The following LRRC74B variants were observed in gnomAD, a reference collection of about 807,000 sequenced individuals.
LRRC74B encodes leucine rich repeat containing 74B, also known as leucine-rich repeat-containing protein 74B.
A neutral mutation model predicts 16.6 loss-of-function variants in LRRC74B; 30 were observed. The ratio of observed to expected loss-of-function variants is 1.80; its 90% CI spans 1.35 to 2.45. LRRC74B has a LOEUF of 2.45. Among genes scored for constraint, LRRC74B ranks in the 30% most tolerant of loss-of-function variants. The pLI, the probability that LRRC74B is intolerant of heterozygous loss-of-function variation, is 0.00. For synonymous variants in LRRC74B, 134 were observed against 86.0 expected (o/e 1.56, Z -3.09); for missense variants, 326 against 202.4 (o/e 1.61, Z -3.71).
chr22:21,059,089 TA>T (rs1228161697), intron 8 of LRRC74B, among the ~76,000 whole-genome samples: 3 of 152,074 alleles, frequency 2.0e-5, no homozygotes, highest in Non-Finnish European at 4.4e-5. Flanking sequence ...CTGTCTTTAC[TA>T]ATAATACAAA....
chr22:21,061,811 A>T (rs533501101), downstream of LRRC74B: 2 of 152,120 alleles, frequency 1.3e-5, no homozygotes, highest in Non-Finnish European at 2.9e-5. Context: ...ATATTCTAAG[A>T]GTGAAAATGC....
At chr22:21,057,020 G>A (rs1930572938) in intron 7 of LRRC74B, 85 bp from the exon 8 acceptor site, 1 of 685,246 alleles carries the variant, frequency 1.5e-6, no homozygotes, top group African/African-American at 1.8e-5. Context: ...TGTCCTCAGA[G>A]ATGAGGAGCC....
chr22:21,060,671 A>G, downstream of LRRC74B: 1 of 587,170 alleles, frequency 1.7e-6, no homozygotes. Flanking sequence ...CGGTGCTCAC[A>G]CACCTGTACC....
At chr22:21,048,447 A>C (rs986893180) in intron 3 of LRRC74B, 1 of 271,518 alleles carries the variant, frequency 3.7e-6, no homozygotes, top group African/African-American at 2.2e-5. Flanking sequence ...CAAGCAGCTT[A>C]ACCTCTCTGA....
intron 3 of LRRC74B, 82 bp downstream of exon 3, chr22:21,048,098 G>A (rs774939863): frequency 3.3e-5 from 23 of 703,936 alleles, no homozygotes; most frequent in Middle Eastern, 2.3e-4. Context: ...AAGCTGGGCC[G>A]TGTCACCTGG....
At chr22:21,051,736 T>C (rs1217372561) in intron 4 of LRRC74B, among the ~76,000 whole-genome samples, 1 of 152,208 alleles carries the variant, frequency 6.6e-6, no homozygotes, top group African/African-American at 2.4e-5. Context: ...TCAGCATCTC[T>C]CAAGTGCCCA....
downstream of LRRC74B, among the ~76,000 whole-genome samples, chr22:21,061,308 A>G (rs189258975): frequency 2.6e-4 from 40 of 151,802 alleles, no homozygotes; most frequent in African/African-American, 8.2e-4. Flanking sequence ...ACAAGAGCAA[A>G]ACTCTGTCTC....
At position 21,060,344 on chromosome 22, in the gene LRRC74B, G is replaced by T; in HGVS notation, c.1024-29G>T. On this transcript the variant is annotated intron_variant, in intron 8 of 8. Transcript: ENST00000442047. The stretch of plus-strand genomic sequence containing the variant: ...GGTGAAGTTCTCAGATAGTAACAAA[G>T]TTCATCCTTGTAATGGGTGTCTCCT... 3 of 649,898 alleles carry T rather than the reference G, an allele frequency of 4.6e-6. No individual in the cohort carries two copies. In the South Asian group the frequency reaches 5.4e-5, roughly 12 times the overall value. The allele number at this position is 649,898 out of a possible 1,614,324, so 40.3% of individuals were successfully genotyped here.
chr22:21,062,122 A>G (rs1190108604), downstream of LRRC74B: 1 of 152,234 alleles, frequency 6.6e-6, no homozygotes, highest in Admixed American at 6.5e-5. Flanking sequence ...CACGTGTCGC[A>G]TGACCGCATT....
chr22:21,047,563 G>A (rs1929569500), intron 2 of LRRC74B, 65 bp downstream of exon 2: 1 of 697,314 alleles, frequency 1.4e-6, no homozygotes, highest in Admixed American at 2.0e-5. Context: ...GCAGCCATGG[G>A]AGTGCCCCTG....
chr22:21,058,680 CT>C lies in LRRC74B; in HGVS notation c.1023+1482del, dbSNP rs200704793. 6.7e-4 allele frequency among the ~76,000 whole-genome samples: 102 copies of C among 152,206 alleles called. 3 individuals are homozygous for C. In the East Asian group the frequency reaches 0.014, roughly 22 times the overall value. On this transcript the variant is annotated intron_variant, in intron 8 of 8. Transcript: ENST00000442047. ...CGATGTCAAACGTCCTTACCATTTC[CT>C]TCTAATGGCCTGTTCTTGCCTTAAC...
chr22:21,056,569 G>A (rs1930532799), intron 7 of LRRC74B: 1 of 147,066 alleles, frequency 6.8e-6, no homozygotes, highest in Non-Finnish European at 1.5e-5. Context: ...TCTCTTCCAA[G>A]TTCAGTGCTC....
exon 5 of LRRC74B, chr22:21,052,253 G>A (rs1601814372): frequency 1.4e-6 from 1 of 717,552 alleles, no homozygotes; most frequent in South Asian, 1.5e-5. Context: ...CTGAAGGGGA[G>A]ACACTTGGAC....
chr22:21,059,605 G>A (rs1385295904), intron 8 of LRRC74B, among the ~76,000 whole-genome samples: 1 of 152,220 alleles, frequency 6.6e-6, no homozygotes, highest in Non-Finnish European at 1.5e-5. Flanking sequence ...CAATTAGCCT[G>A]AATTGAATAT....
intron 7 of LRRC74B, chr22:21,056,896 A>G (rs1930563041): frequency 1.7e-6 from 1 of 575,300 alleles, no homozygotes; most frequent in African/African-American, 1.9e-5. Context: ...GTCTATATCA[A>G]TCGGAGGCCT....
rs188074649 is a variant in LRRC74B, at chr22:21,056,598, A to G, written c.928-507A>G. On this transcript the variant is annotated intron_variant, in intron 7 of 8. Coordinates refer to ENST00000442047, the Ensembl canonical transcript of LRRC74B. ...AGTGCTCTCACCCCAAGCTTGGAGC[A>G]CACACACACACACACACACACACAC... The G allele has an allele frequency of 3.2e-3, 146 of 45,054 alleles. 1 individual carries two copies. Among genetic ancestry groups the G allele is most frequent in the African/African-American group, 8.0e-3 (75 of 9,342 alleles). 2.8% of individuals were successfully genotyped at this position (45,054 alleles called of 1,614,324 possible).
intron 2 of LRRC74B, among the ~76,000 whole-genome samples, 162 bp from the exon 3 acceptor site, chr22:21,047,722 G>C (rs893786866): frequency 6.6e-6 from 1 of 152,140 alleles, no homozygotes; most frequent in Admixed American, 6.5e-5. Flanking sequence ...GTCAGGGAGA[G>C]CTGGGGGTGG....
intron 4 of LRRC74B, among the ~76,000 whole-genome samples, chr22:21,051,137 G>A (rs989658208): frequency 7.9e-5 from 12 of 152,132 alleles, no homozygotes; most frequent in Non-Finnish European, 1.5e-4. Context: ...GGGCAACAGG[G>A]TGAGACCGTG....
At chr22:21,054,527 A>G (rs902821564) in intron 6 of LRRC74B, among the ~76,000 whole-genome samples, 11 of 152,356 alleles carry the variant, frequency 7.2e-5, no homozygotes, top group Non-Finnish European at 1.3e-4. Context: ...GACCCTCCCC[A>G]GGGGCAGCTC....
Sources: gnomAD v4.1 joint callset for allele counts (sites outside exome capture counted in the v4.1 genomes callset) on GRCh38, gnomAD v4.1.1 for gene constraint, MANE v1.5 for transcripts, NCBI Gene and HGNC (gene_info 2026-07-23, HGNC 2026-07-21) for gene names.